The following RAPGEF5 variants were observed in gnomAD, a reference collection of about 807,000 sequenced individuals.
RAPGEF5 encodes the protein M-Ras-regulated GEF.
In RAPGEF5, 65 loss-of-function variants were observed where a neutral mutation model predicts 125.2. That is an observed-to-expected ratio of 0.52 (90% confidence interval 0.43 to 0.64). The LOEUF is 0.64. Among genes scored for constraint, RAPGEF5 ranks in the 30% least tolerant of loss-of-function variants. The probability of loss-of-function intolerance (pLI) is 0.00; values close to 1 mark genes in which losing one functional copy is unlikely to be tolerated. For synonymous variants in RAPGEF5, 391 were observed against 385.9 expected (o/e 1.01, Z -0.16); for missense variants, 958 against 1,048.1 (o/e 0.91, Z 1.19).
chr7:22,140,804 A>G (rs1783233369), intron 20 of RAPGEF5, among the ~76,000 whole-genome samples: 1 of 152,198 alleles, frequency 6.6e-6, no homozygotes, highest in Non-Finnish European at 1.5e-5. Context: ...AGGGCTTGGA[A>G]TGGCAGGGGG....
chr7:22,306,891 A>G lies in RAPGEF5; in HGVS notation c.680+1448T>C, dbSNP rs144576102. On this transcript the variant is annotated intron_variant, in intron 5 of 25. Coordinates refer to ENST00000665637, the MANE Select transcript of RAPGEF5 (RefSeq NM_012294.5). Reference sequence around the variant, plus strand: ...GTGTGGGTTTGTTTCTGGGTTCTCCATTCTGTTCCATTGGTCTATGTGTCT... The same window carrying G: ...GTGTGGGTTTGTTTCTGGGTTCTCCGTTCTGTTCCATTGGTCTATGTGTCT... Among the ~76,000 whole-genome samples the G allele has an allele frequency of 6.9e-3, 1,057 of 152,232 alleles. 20 individuals carry two copies. The highest frequency in any genetic ancestry group is 0.024 in the African/African-American group (1,009 of 41,548).
intron 11 of RAPGEF5, among the ~76,000 whole-genome samples, chr7:22,168,248 C>T (rs1285607379): frequency 6.6e-6 from 1 of 152,078 alleles, no homozygotes; most frequent in Non-Finnish European, 1.5e-5. Flanking sequence ...GTGGAGCCCT[C>T]ATGAATGGCA....
intron 6 of RAPGEF5, among the ~76,000 whole-genome samples, chr7:22,289,635 T>C (rs78632065): frequency 1.1e-5 from 1 of 92,098 alleles, no homozygotes; most frequent in Admixed American, 1.1e-4. Context: ...AAGTTCTAAA[T>C]ATGTTTTCAA....
At chr7:22,322,121 G>A (rs1204479499) in intron 1 of RAPGEF5, among the ~76,000 whole-genome samples, 1 of 151,648 alleles carries the variant, frequency 6.6e-6, no homozygotes, top group Non-Finnish European at 1.5e-5. Flanking sequence ...AAGTTTTTGG[G>A]GTTTTTTCTT....
chr7:22,254,775 A>T (rs537416636), intron 7 of RAPGEF5, among the ~76,000 whole-genome samples: 66 of 152,200 alleles, frequency 4.3e-4, no homozygotes, highest in African/African-American at 1.6e-3. Context: ...ACCTCAGATC[A>T]TCAGGCACTA....
chr7:22,225,280 C>T (rs550246983), intron 8 of RAPGEF5, among the ~76,000 whole-genome samples: 2 of 152,270 alleles, frequency 1.3e-5, no homozygotes, highest in Admixed American at 6.5e-5. Context: ...AGGCAAAATG[C>T]TCTTACTTTT....
chr7:22,336,524 T>C (rs1025418643), intron 1 of RAPGEF5, among the ~76,000 whole-genome samples: 1 of 152,090 alleles, frequency 6.6e-6, no homozygotes, highest in Non-Finnish European at 1.5e-5. Context: ...GAATAAGGCA[T>C]GGAGAGGAGG....
intron 7 of RAPGEF5, among the ~76,000 whole-genome samples, chr7:22,259,377 A>C (rs1782090510): frequency 6.6e-6 from 1 of 152,238 alleles, no homozygotes; most frequent in Admixed American, 6.5e-5. Context: ...GAGGATGTGG[A>C]GCAAGAGGAC....
At chr7:22,227,182 A>G (rs1342968970) in intron 8 of RAPGEF5, among the ~76,000 whole-genome samples, 3 of 151,966 alleles carry the variant, frequency 2.0e-5, no homozygotes, top group Non-Finnish European at 4.4e-5. Context: ...AGACTTGTAT[A>G]CATTCTTGAC....
At chr7:22,263,356 A>C (rs113940189) in intron 7 of RAPGEF5, among the ~76,000 whole-genome samples, 1,597 of 152,346 alleles carry the variant, frequency 0.01, 39 homozygotes, top group African/African-American at 0.036. Context: ...AAGTTATCTC[A>C]AAAGAGCACA....
chr7:22,167,750 C>T (rs1429165161), intron 11 of RAPGEF5, among the ~76,000 whole-genome samples: 3 of 152,146 alleles, frequency 2.0e-5, no homozygotes, highest in Admixed American at 2.0e-4. Flanking sequence ...AATTGGAGAG[C>T]AGGTACAATG....
chr7:22,182,758 G>GTACATTTT (rs1180063713), intron 11 of RAPGEF5, among the ~76,000 whole-genome samples: 3 of 152,048 alleles, frequency 2.0e-5, no homozygotes, highest in Non-Finnish European at 4.4e-5. Context: ...TCTTTAAAGG[G>GTACATTTT]TACACCCTGT....
chr7:22,181,203 G>C (rs1032671736), intron 11 of RAPGEF5, among the ~76,000 whole-genome samples: 3 of 152,032 alleles, frequency 2.0e-5, no homozygotes, highest in African/African-American at 7.2e-5. Flanking sequence ...CTACACAAAA[G>C]AAAATATGTG....
intron 1 of RAPGEF5, among the ~76,000 whole-genome samples, chr7:22,326,669 A>G (rs1227038005): frequency 6.6e-6 from 1 of 152,226 alleles, no homozygotes; most frequent in African/African-American, 2.4e-5. Flanking sequence ...GCACAATTCC[A>G]TCTCTACTTA....
chr7:22,206,928 A>T (rs1262389341), intron 9 of RAPGEF5, among the ~76,000 whole-genome samples: 1 of 152,226 alleles, frequency 6.6e-6, no homozygotes, highest in African/African-American at 2.4e-5. Flanking sequence ...TCATATGTAA[A>T]TAACTTGTCC....
At chr7:22,349,402 C>T (rs913078921) in intron 1 of RAPGEF5, among the ~76,000 whole-genome samples, 3 of 118,282 alleles carry the variant, frequency 2.5e-5, no homozygotes, top group Admixed American at 1.2e-4. Flanking sequence ...CCAACCTGGG[C>T]GATAGAGTGA....
chr7:22,301,145 T>G (rs1343748640), intron 5 of RAPGEF5, among the ~76,000 whole-genome samples: 1 of 152,248 alleles, frequency 6.6e-6, no homozygotes, highest in African/African-American at 2.4e-5. Flanking sequence ...ATCTAGAGGT[T>G]TCAGCTGTAA....
chr7:22,279,395 T>C (rs1782625518), intron 6 of RAPGEF5, among the ~76,000 whole-genome samples: 1 of 152,234 alleles, frequency 6.6e-6, no homozygotes, highest in South Asian at 2.1e-4. Context: ...ATAGGATCTA[T>C]TAAGTTTGAA....
At chr7:22,265,986 C>T (rs1427086454) in intron 7 of RAPGEF5, among the ~76,000 whole-genome samples, 3 of 152,096 alleles carry the variant, frequency 2.0e-5, no homozygotes, top group Non-Finnish European at 4.4e-5. Context: ...TCTCTATGTC[C>T]TCAACATCTG....
Sources: allele counts gnomAD v4.1 joint callset (sites outside exome capture counted in the v4.1 genomes callset), GRCh38; gene constraint gnomAD v4.1.1; transcripts MANE v1.5; gene names NCBI Gene and HGNC (gene_info 2026-07-23, HGNC 2026-07-21).